The following CEP128 variants were observed in gnomAD, a reference collection of about 807,000 sequenced individuals.
CEP128 encodes the protein centrosomal protein 128kDa.
In CEP128, 132 loss-of-function variants were observed where a neutral mutation model predicts 156.7. That is an observed-to-expected ratio of 0.84 (90% CI 0.73 to 0.97). The LOEUF (loss-of-function observed/expected upper bound fraction) is 0.97. CEP128 is among the 50% of genes least tolerant of loss of function. The pLI is 0.00. For synonymous variants in CEP128, 469 were observed against 448.9 expected (o/e 1.04, Z -0.57); for missense variants, 1,252 against 1,281.9 (o/e 0.98, Z 0.36).
intron 19 of CEP128, among the ~76,000 whole-genome samples, chr14:80,636,174 A>G (rs932555185): frequency 6.6e-6 from 1 of 152,094 alleles, no homozygotes; most frequent in East Asian, 1.9e-4. Context: ...ATATTACTCC[A>G]CAGAATGGGA....
At chr14:80,628,692 T>G (rs1335862619) in intron 19 of CEP128, among the ~76,000 whole-genome samples, 1 of 152,110 alleles carries the variant, frequency 6.6e-6, no homozygotes, top group African/African-American at 2.4e-5. Flanking sequence ...AGTAACACAA[T>G]CTTTTGGCAA....
At chr14:80,916,613 AT>A in intron 2 of CEP128, 51 bp from the exon 3 acceptor site, 2 of 1,408,360 alleles carry the variant, frequency 1.4e-6, no homozygotes, top group Non-Finnish European at 2.0e-6. Flanking sequence ...AAGCATGGAA[AT>A]AAAAGACTAA....
intron 19 of CEP128, among the ~76,000 whole-genome samples, chr14:80,598,177 G>A (rs1892424747): frequency 6.6e-6 from 1 of 151,712 alleles, no homozygotes. Flanking sequence ...TAGCATGGTT[G>A]TCATCATGAA....
chr14:80,696,762 G>C (rs1272800654), intron 19 of CEP128, among the ~76,000 whole-genome samples: 2 of 152,078 alleles, frequency 1.3e-5, no homozygotes, highest in Non-Finnish European at 2.9e-5. Context: ...AAGAATGGGA[G>C]AGTTTAAACA....
chr14:80,718,246 A>T (rs952647641), intron 19 of CEP128, among the ~76,000 whole-genome samples: 7 of 152,192 alleles, frequency 4.6e-5, no homozygotes, highest in African/African-American at 1.7e-4. Flanking sequence ...ATCAATGTCA[A>T]TTCATTAACT....
chr14:80,665,103 T>C (rs1163768642), intron 19 of CEP128, among the ~76,000 whole-genome samples: 1 of 152,192 alleles, frequency 6.6e-6, no homozygotes, highest in Non-Finnish European at 1.5e-5. Flanking sequence ...ATTATTTAGG[T>C]GTCAAGTGCT....
At chr14:80,532,314 C>T (rs980280540) in intron 21 of CEP128, among the ~76,000 whole-genome samples, 1 of 152,064 alleles carries the variant, frequency 6.6e-6, no homozygotes, top group African/African-American at 2.4e-5. Flanking sequence ...TGACCTCAGC[C>T]TCTGAGGACC....
intron 19 of CEP128, among the ~76,000 whole-genome samples, chr14:80,653,667 T>C (rs549717985): frequency 6.6e-5 from 10 of 152,270 alleles, no homozygotes; most frequent in Non-Finnish European, 1.2e-4. Context: ...CCAGTGCTTA[T>C]TTTCCATTAC....
intron 13 of CEP128, among the ~76,000 whole-genome samples, chr14:80,826,126 A>C (rs1051290630): frequency 1.3e-5 from 2 of 150,026 alleles, no homozygotes; most frequent in Non-Finnish European, 3.0e-5. Flanking sequence ...AAAAAAAAAA[A>C]CAGCTCTGCC....
intron 19 of CEP128, among the ~76,000 whole-genome samples, chr14:80,714,910 CAA>C (rs1229958848): frequency 6.6e-6 from 1 of 152,130 alleles, no homozygotes; most frequent in Non-Finnish European, 1.5e-5. Context: ...AGAAAGACAT[CAA>C]TCACATGGAA....
At chr14:80,772,308 C>G (rs997442305) in intron 16 of CEP128, among the ~76,000 whole-genome samples, 1 of 152,072 alleles carries the variant, frequency 6.6e-6, no homozygotes, top group African/African-American at 2.4e-5. Context: ...AATGGTGTGA[C>G]AGACAAAAGA....
rs1566624588 is a variant in CEP128, at chr14:80,785,394, T to C, written c.1712A>G (p.Lys571Arg). 1 of 1,614,150 alleles carries C rather than the reference T, an allele frequency of 6.2e-7. No individual in the cohort carries two copies. Among genetic ancestry groups the C allele is most frequent in the Non-Finnish European group, 8.5e-7 (1 of 1,180,010 alleles). The change falls in exon 15 of 25, where the codon AAG (lysine) becomes AGG (arginine). Residue 571 changes from lysine to arginine, a missense_variant. Coordinates refer to ENST00000555265, the MANE Select transcript of CEP128 (RefSeq NM_152446.5). Reference protein sequence around the residue: ...HSKEEKLRDIKSHQADLELEV... With the variant: ...HSKEEKLRDIRSHQADLELEV... ...CAATTCAAGGTCAGCTTGATGAGAC[T>C]TAATATCACGTAATTTCTCCTCCTT... is the stretch of plus-strand genomic sequence containing the variant.
At chr14:80,834,754 T>C (rs1235967263) in intron 12 of CEP128, among the ~76,000 whole-genome samples, 2 of 152,192 alleles carry the variant, frequency 1.3e-5, no homozygotes, top group Non-Finnish European at 2.9e-5. Flanking sequence ...TTTATGAAGT[T>C]TGATGAAGAA....
intron 21 of CEP128, among the ~76,000 whole-genome samples, chr14:80,551,487 A>G (rs773593499): frequency 1.3e-5 from 2 of 152,222 alleles, no homozygotes; most frequent in African/African-American, 2.4e-5. Flanking sequence ...CACTTGCTTT[A>G]TGGTATAAAA....
intron 20 of CEP128, among the ~76,000 whole-genome samples, chr14:80,570,927 A>G (rs1891114519): frequency 6.6e-6 from 1 of 152,098 alleles, no homozygotes; most frequent in Non-Finnish European, 1.5e-5. Context: ...ATGCCCAAAT[A>G]AAAAAATTAT....
chr14:80,480,724 C>T (rs1887036036), intron 14 of CEP128, among the ~76,000 whole-genome samples: 1 of 152,186 alleles, frequency 6.6e-6, no homozygotes, highest in Non-Finnish European at 1.5e-5. Context: ...GTACCCAAGT[C>T]ACCTCTTGAA....
intron 13 of CEP128, among the ~76,000 whole-genome samples, chr14:80,825,146 TA>T (rs1885402045): frequency 6.6e-6 from 1 of 152,168 alleles, no homozygotes; most frequent in Admixed American, 6.5e-5. Context: ...CATGATTCAA[TA>T]ATTACCTCCA....
At chr14:80,864,766 A>G (rs545589464) in intron 8 of CEP128, among the ~76,000 whole-genome samples, 1 of 152,288 alleles carries the variant, frequency 6.6e-6, no homozygotes, top group African/African-American at 2.4e-5. Flanking sequence ...CATGTCGGCC[A>G]GGATGGTCTT....
At chr14:80,616,935 C>T (rs933693308) in intron 19 of CEP128, among the ~76,000 whole-genome samples, 4 of 152,108 alleles carry the variant, frequency 2.6e-5, no homozygotes, top group Non-Finnish European at 4.4e-5. Context: ...TATCACAGAG[C>T]AAAGACTAGT....
Sources: gnomAD v4.1 joint callset for allele counts (sites outside exome capture counted in the v4.1 genomes callset) on GRCh38, gnomAD v4.1.1 for gene constraint, MANE v1.5 for transcripts, NCBI Gene and HGNC (gene_info 2026-07-23, HGNC 2026-07-21) for gene names.